DMXL1: variants seen among roughly 807,000 people sequenced by gnomAD.
DMXL1 encodes the protein dmX-like protein 1.
Under a neutral mutation model 319.2 loss-of-function variants are expected in DMXL1, and 99 were observed. That is an observed-to-expected ratio of 0.31 (90% CI 0.26 to 0.37). The LOEUF is 0.37. Ranked by LOEUF, DMXL1 falls within the 10% of genes least tolerant of loss-of-function variation. The pLI, the probability that DMXL1 is intolerant of heterozygous loss-of-function variation, is 1.00. For missense variants in DMXL1, 3,745 were observed against 3,595.6 expected, an observed-to-expected ratio of 1.04 and a Z score of -1.06; for synonymous variants, 1,385 against 1,235.2, an observed-to-expected ratio of 1.12 and a Z score of -2.54.
chr5:119,237,213 A>G (rs1468327384), intron 39 of DMXL1, 109 bp from the exon 40 acceptor site: 1 of 568,468 alleles, frequency 1.8e-6, no homozygotes, highest in Non-Finnish European at 3.0e-6. Context: ...ATCACATGAC[A>G]TACAGTCAAA....
At chr5:119,200,304 A>T (rs929434052) in intron 32 of DMXL1, among the ~76,000 whole-genome samples, 1 of 152,152 alleles carries the variant, frequency 6.6e-6, no homozygotes, top group Non-Finnish European at 1.5e-5. Flanking sequence ...CTAGCCGGTT[A>T]TCCCAGCACC....
intron 34 of DMXL1, among the ~76,000 whole-genome samples, chr5:119,213,421 C>G (rs577994121): frequency 6.6e-6 from 1 of 152,268 alleles, no homozygotes; most frequent in East Asian, 1.9e-4. Flanking sequence ...GTCTTCAGTT[C>G]TTAATAACTG....
At position 119,244,372 on chromosome 5, in the gene DMXL1, T is replaced by C. The variant is rs1462975106; in HGVS notation, c.8718T>C (p.His2906=). 1.9e-6 allele frequency: 3 copies of C among 1,613,638 alleles called. No homozygotes were observed. Among genetic ancestry groups the C allele is most frequent in the Non-Finnish European group, 2.5e-6 (3 of 1,179,714 alleles). Residue 2906 remains histidine, a synonymous_variant, in exon 43 of 44, where the codon CAT becomes CAC. Coordinates refer to ENST00000539542, the MANE Select transcript of DMXL1 (RefSeq NM_001290321.3). The part of the protein sequence containing the change: ...ANSLVHAFTC[H]DSGATVLAYA... ...ATTTACTTTCAGCATTTACCTGCCA[T>C]GACAGTGGAGCCACAGTTTTAGCAT...
chr5:119,127,043 C>A, intron 9 of DMXL1: 1 of 166,392 alleles, frequency 6.0e-6, no homozygotes, highest in South Asian at 1.8e-4. Flanking sequence ...TGTCTTCTTT[C>A]CTCTTCCATT....
intron 13 of DMXL1, among the ~76,000 whole-genome samples, chr5:119,141,348 A>T (rs1767299171): frequency 6.6e-6 from 1 of 152,230 alleles, no homozygotes; most frequent in Admixed American, 6.5e-5. Flanking sequence ...ATATCTAGAT[A>T]ACCCTATGTC....
chr5:119,112,737 A>T (rs575170685), intron 5 of DMXL1, among the ~76,000 whole-genome samples: 1 of 152,138 alleles, frequency 6.6e-6, no homozygotes, highest in Non-Finnish European at 1.5e-5. Flanking sequence ...TGGGTGGATC[A>T]CCTGAGGTCG....
At chr5:119,218,380 A>G (rs1455522319) in intron 35 of DMXL1, among the ~76,000 whole-genome samples, 3 of 152,198 alleles carry the variant, frequency 2.0e-5, no homozygotes, top group East Asian at 1.9e-4. Context: ...GTTACTGTCT[A>G]TGAATATGCC....
intron 40 of DMXL1, among the ~76,000 whole-genome samples, chr5:119,238,505 A>G (rs1455926182): frequency 6.6e-6 from 1 of 152,170 alleles, no homozygotes; most frequent in Non-Finnish European, 1.5e-5. Flanking sequence ...TTAAAAGCTT[A>G]AATATTTTTG....
intron 29 of DMXL1, among the ~76,000 whole-genome samples, chr5:119,192,280 C>T (rs944062143): frequency 3.3e-5 from 5 of 152,174 alleles, no homozygotes; most frequent in South Asian, 2.1e-4. Context: ...CACCTTTTCT[C>T]GAGTTTTACT....
intron 1 of DMXL1, chr5:119,081,778 T>A: frequency 2.1e-6 from 2 of 950,792 alleles, no homozygotes; most frequent in African/African-American, 3.5e-5. Flanking sequence ...TTACGTGTAT[T>A]TGAAGGTAGT....
At position 119,196,503 on chromosome 5, in the gene DMXL1, T is replaced by TAA. The variant is rs779433264; in HGVS notation, c.7543+48_7543+49insAA. On this transcript the variant is annotated intron_variant, in intron 31 of 43. Transcript: ENST00000539542. Reference sequence around the variant, plus strand: ...GCTAATGGTGCCATTGCTTTTGACTTACTACTCTGTTGTTTTTTTTTTTTT... The same window carrying TAA: ...GCTAATGGTGCCATTGCTTTTGACTTAAACTACTCTGTTGTTTTTTTTTTTTT... The TAA allele has an allele frequency of 5.1e-6, 6 of 1,186,052 alleles. No homozygotes were observed. In the East Asian group the frequency reaches 1.4e-4, roughly 28 times the overall value. The allele number at this position is 1,186,052 out of a possible 1,614,324, so 73.5% of individuals were successfully genotyped here.
At position 119,239,046 on chromosome 5, in the gene DMXL1, C is replaced by G. The variant is rs749360264; in HGVS notation, c.8617C>G (p.Leu2873Val). 1.9e-5 allele frequency: 31 copies of G among 1,613,846 alleles called. No homozygotes were observed. Among genetic ancestry groups the G allele is most frequent in the Non-Finnish European group, 2.5e-5 (30 of 1,179,912 alleles). ...NDFVFVSSSSLIATAGLSTDN... is the reference protein window; with the variant it reads ...NDFVFVSSSSVIATAGLSTDN... Reference sequence around the variant, plus strand: ...TTTTGTCTTCGTTAGTTCCTCCTCTCTGATAGCTACAGCTGGTCTTTCAAC... The same window carrying G: ...TTTTGTCTTCGTTAGTTCCTCCTCTGTGATAGCTACAGCTGGTCTTTCAAC... Residue 2873 changes from leucine (L) to valine (V), a missense_variant, in exon 41 of 44, where the codon CTG becomes GTG. Coordinates refer to ENST00000539542, the MANE Select transcript of DMXL1 (RefSeq NM_001290321.3).
At chr5:119,164,393 T>A in intron 19 of DMXL1, 114 bp from the exon 20 acceptor site, 5 of 930,098 alleles carry the variant, frequency 5.4e-6, no homozygotes, top group Non-Finnish European at 7.8e-6. Context: ...AATCTTAAAC[T>A]GTGAGTCTCA....
rs759377560 is a variant in DMXL1, at chr5:119,170,773, T to C, written c.5982T>C (p.Asp1994=). The part of the protein sequence containing the change: ...KELKPLQRKT[D]KKLDDISSNY... ...TAAAACCTTTACAGAGAAAAACAGA[T>C]AAAAAGTTGGATGACATAAGTTCTA... Residue 1994 remains aspartate (D), a synonymous_variant, in exon 24 of 44, where the codon GAT becomes GAC. Coordinates refer to ENST00000539542, the MANE Select transcript of DMXL1 (RefSeq NM_001290321.3). The C allele has an allele frequency of 1.2e-6, 2 of 1,612,198 alleles. No homozygotes were observed. Among genetic ancestry groups the C allele is most frequent in the Admixed American group, 1.7e-5 (1 of 59,690 alleles).
In DMXL1 at chr5:119,122,529, G is replaced by T. The variant is rs868036968; in HGVS notation, c.1102+1390G>T. 1.1e-4 allele frequency among the ~76,000 whole-genome samples: 17 copies of T among 150,602 alleles called. 1 individual carries two copies. The highest frequency in any genetic ancestry group is 3.5e-3 in the Middle Eastern group (1 of 282). ...GACGGGGTGGCTGCCGGGCGGAGAG[G>T]CTCCTCACTTCTCAGATGGGGCGGC... On this transcript the variant is annotated intron_variant, in intron 9 of 43. Transcript: ENST00000539542.
intron 1 of DMXL1, among the ~76,000 whole-genome samples, chr5:119,074,405 T>G (rs576275817): frequency 2.0e-5 from 3 of 152,348 alleles, no homozygotes; most frequent in African/African-American, 7.2e-5. Flanking sequence ...TACTTTGTGT[T>G]TTCTTTTAGG....
intron 34 of DMXL1, among the ~76,000 whole-genome samples, chr5:119,210,757 G>GTTTTTTTTTTTTTTTTTTTTTGTTT: frequency 1.1e-5 from 1 of 89,778 alleles, no homozygotes; most frequent in Non-Finnish European, 2.1e-5. Flanking sequence ...TTTTTCTTTC[G>GTTTTTTTTTTTTTTTTTTTTTGTTT]TTTTTTTTTT....
chr5:119,084,339 C>T (rs954907996), intron 1 of DMXL1, among the ~76,000 whole-genome samples: 2 of 152,022 alleles, frequency 1.3e-5, no homozygotes, highest in African/African-American at 4.8e-5. Flanking sequence ...AGGCTGGTCT[C>T]GAACTCCTGA....
intron 30 of DMXL1, among the ~76,000 whole-genome samples, chr5:119,195,265 A>T (rs113248570): frequency 6.6e-6 from 1 of 152,324 alleles, no homozygotes; most frequent in African/African-American, 2.4e-5. Context: ...AAAATATTGA[A>T]AACAGGGACT....
Sources: allele counts gnomAD v4.1 joint callset (sites outside exome capture counted in the v4.1 genomes callset), GRCh38; gene constraint gnomAD v4.1.1; transcripts MANE v1.5; gene names NCBI Gene and HGNC (gene_info 2026-07-23, HGNC 2026-07-21).